The following THSD7A variants were observed in gnomAD, a reference collection of about 807,000 sequenced individuals.
THSD7A encodes thrombospondin type 1 domain containing 7A.
In THSD7A, 96 loss-of-function variants were observed where a neutral mutation model predicts 231.3. The ratio of observed to expected loss-of-function variants is 0.41; its 90% CI spans 0.35 to 0.49. THSD7A has a LOEUF of 0.49. Ranked by LOEUF, THSD7A falls within the 20% of genes least tolerant of loss-of-function variation. The pLI, the probability that THSD7A is intolerant of heterozygous loss-of-function variation, is 0.05. For missense variants in THSD7A, 2,290 were observed against 2,070.2 expected, an observed-to-expected ratio of 1.11 and a Z score of -2.06; for synonymous variants, 940 against 743.3, an observed-to-expected ratio of 1.26 and a Z score of -4.30.
At chr7:11,701,380 A>G (rs1235940895) in intron 1 of THSD7A, among the ~76,000 whole-genome samples, 1 of 151,290 alleles carries the variant, frequency 6.6e-6, no homozygotes, top group Non-Finnish European at 1.5e-5. Flanking sequence ...CTTTGTAAAT[A>G]TGATTTTCCT....
At chr7:11,376,999 G>A (rs1782302094) in intron 26 of THSD7A, 1 of 168,828 alleles carries the variant, frequency 5.9e-6, no homozygotes, top group Non-Finnish European at 1.3e-5. Context: ...GATTTTCAGT[G>A]TATTTTGAGA....
chr7:11,815,779 G>A (rs567011273), intron 1 of THSD7A, among the ~76,000 whole-genome samples: 1 of 152,204 alleles, frequency 6.6e-6, no homozygotes, highest in East Asian at 1.9e-4. Context: ...TAGATTCTAT[G>A]AATCAGAAAA....
chr7:11,514,615 A>C (rs913601758), intron 6 of THSD7A, among the ~76,000 whole-genome samples: 4 of 152,146 alleles, frequency 2.6e-5, no homozygotes, highest in African/African-American at 7.2e-5. Context: ...ATAACATTTT[A>C]AATAAGTGTT....
intron 1 of THSD7A, among the ~76,000 whole-genome samples, chr7:11,744,982 G>A (rs140303842): frequency 7.2e-5 from 11 of 151,840 alleles, no homozygotes; most frequent in Non-Finnish European, 1.5e-4. Flanking sequence ...TGGGTCAAAT[G>A]GTATTTCTAG....
At chr7:11,450,388 G>T (rs904495223) in intron 11 of THSD7A, among the ~76,000 whole-genome samples, 1 of 151,870 alleles carries the variant, frequency 6.6e-6, no homozygotes, top group Admixed American at 6.6e-5. Context: ...TCTTATCTGA[G>T]GTTTTAGACA....
chr7:11,462,963 C>T (rs550591698), intron 9 of THSD7A, among the ~76,000 whole-genome samples: 124 of 152,178 alleles, frequency 8.1e-4, no homozygotes, highest in Middle Eastern at 6.8e-3. Context: ...ATTAAGATTA[C>T]GTACACTTTA....
chr7:11,637,106 A>T lies in THSD7A; in HGVS notation c.191-145T>A. Reference sequence around the variant, plus strand: ...AGGTCTCTGGACACGACTGTTGGAAAGTAATGATCCTCGCTAAGTATTTTT... The same window carrying T: ...AGGTCTCTGGACACGACTGTTGGAATGTAATGATCCTCGCTAAGTATTTTT... On this transcript the variant is annotated intron_variant, in intron 1 of 27. Coordinates refer to ENST00000423059, the MANE Select transcript of THSD7A (RefSeq NM_015204.3). The surrounding 1 kb of genome is among the most constrained non-coding windows in gnomAD (Gnocchi z 4.2). 1.4e-6 allele frequency: 1 copy of T among 738,722 alleles called. No homozygotes were observed. Among genetic ancestry groups the T allele is most frequent in the South Asian group, 1.9e-5 (1 of 51,908 alleles). The allele number at this position is 738,722 out of a possible 1,614,324, so 45.8% of individuals were successfully genotyped here.
intron 2 of THSD7A, among the ~76,000 whole-genome samples, chr7:11,603,664 G>A (rs1464089874): frequency 6.6e-6 from 1 of 151,640 alleles, no homozygotes; most frequent in Non-Finnish European, 1.5e-5. Flanking sequence ...TTAAGAAAAT[G>A]TGGCACATAT....
intron 6 of THSD7A, among the ~76,000 whole-genome samples, chr7:11,495,566 C>G (rs10261577): frequency 6.6e-6 from 1 of 152,178 alleles, no homozygotes; most frequent in East Asian, 1.9e-4. Context: ...TGAAGATTTT[C>G]TATTGCAAAA....
rs115498178 is a variant in THSD7A at position 11,752,437 on chromosome 7, C to A, written c.190+79320G>T. Among the ~76,000 whole-genome samples the A allele has an allele frequency of 3.9e-3, 598 of 152,112 alleles. 3 individuals are homozygous for A. Among genetic ancestry groups the A allele is most frequent in the African/African-American group, 0.013 (560 of 41,538 alleles). ...CAATTAAACTGAAAGCAATATCAGT[C>A]CTTTTTGGGCAATGCAAGATCATTT... is the stretch of plus-strand genomic sequence containing the variant. On this transcript the variant is annotated intron_variant, in intron 1 of 27. Coordinates refer to ENST00000423059, the MANE Select transcript of THSD7A (RefSeq NM_015204.3).
intron 1 of THSD7A, among the ~76,000 whole-genome samples, chr7:11,751,787 T>C (rs1208261046): frequency 6.6e-6 from 1 of 151,992 alleles, no homozygotes; most frequent in Non-Finnish European, 1.5e-5. Flanking sequence ...CTTTGGTCAA[T>C]TTCTGACCCA....
At position 11,417,607 on chromosome 7, in the gene THSD7A, G is replaced by T; in HGVS notation, c.3384-4C>A. 6.3e-7 allele frequency: 1 copy of T among 1,594,502 alleles called. No homozygotes were observed. Among genetic ancestry groups the T allele is most frequent in the Non-Finnish European group, 8.5e-7 (1 of 1,174,940 alleles). On this transcript the variant is annotated splice_polypyrimidine_tract_variant and splice_region_variant and intron_variant, in intron 16 of 27. Coordinates refer to ENST00000423059, the MANE Select transcript of THSD7A (RefSeq NM_015204.3). ...ATCTGCTGTATTCTGCATGCATCTA[G>T]AAAAGAACATAAACATATTCTAGAA...
At chr7:11,724,931 T>C (rs1781496240) in intron 1 of THSD7A, among the ~76,000 whole-genome samples, 2 of 151,762 alleles carry the variant, frequency 1.3e-5, no homozygotes, top group South Asian at 2.1e-4. Context: ...TCATCTCTTC[T>C]TCTTCTTCTT....
chr7:11,588,272 A>T (rs1206385316), intron 4 of THSD7A, among the ~76,000 whole-genome samples: 1 of 152,076 alleles, frequency 6.6e-6, no homozygotes, highest in Non-Finnish European at 1.5e-5. Flanking sequence ...TATGTTTCCT[A>T]TTGGGAAATG....
At position 11,666,770 on chromosome 7, in the gene THSD7A, T is replaced by C. The variant is rs191213614; in HGVS notation, c.191-29809A>G. Among the ~76,000 whole-genome samples the C allele has an allele frequency of 3.4e-3, 517 of 151,618 alleles. 4 individuals are homozygous for C. Among genetic ancestry groups the C allele is most frequent in the African/African-American group, 0.012 (477 of 41,476 alleles). ...GTTATAAAACATATCTAAAAGCATA[T>C]AAAGACTTTTTTAAACGTGGAGGCT... is the stretch of plus-strand genomic sequence containing the variant. On this transcript the variant is annotated intron_variant, in intron 1 of 27. Coordinates refer to ENST00000423059, the MANE Select transcript of THSD7A (RefSeq NM_015204.3).
In THSD7A at chr7:11,377,646, T is replaced by C. The variant is rs543449217; in HGVS notation, c.4802-989A>G. Reference sequence around the variant, plus strand: ...TCTAAATATCCTTTCTTTCTAATCCTAAAGCTTTCATTTTTTAAATTTGAG... The same window carrying C: ...TCTAAATATCCTTTCTTTCTAATCCCAAAGCTTTCATTTTTTAAATTTGAG... On this transcript the variant is annotated intron_variant, in intron 26 of 27. Transcript: ENST00000423059. The surrounding 1 kb of genome is among the most constrained non-coding windows in gnomAD (Gnocchi z 4.5). Among the ~76,000 whole-genome samples, 2 of 152,210 alleles carry C rather than the reference T, an allele frequency of 1.3e-5. No homozygotes were observed. Among genetic ancestry groups the C allele is most frequent in the South Asian group, 4.1e-4 (2 of 4,822 alleles).
intron 6 of THSD7A, among the ~76,000 whole-genome samples, chr7:11,515,384 T>G (rs1787987522): frequency 6.6e-6 from 1 of 152,182 alleles, no homozygotes; most frequent in South Asian, 2.1e-4. Flanking sequence ...CTCTGGCTTT[T>G]GACAATGTTC....
At chr7:11,547,344 G>GGC (rs1789443438) in intron 4 of THSD7A, among the ~76,000 whole-genome samples, 1 of 152,104 alleles carries the variant, frequency 6.6e-6, no homozygotes, top group Non-Finnish European at 1.5e-5. Context: ...CCACTTAAAA[G>GGC]GCACAGAGTG....
intron 1 of THSD7A, among the ~76,000 whole-genome samples, chr7:11,673,359 C>T (rs552836739): frequency 6.6e-6 from 1 of 152,244 alleles, no homozygotes; most frequent in Admixed American, 6.5e-5. Flanking sequence ...TCATGGACTC[C>T]AGAGACTTCC....
Sources: allele counts gnomAD v4.1 joint callset (sites outside exome capture counted in the v4.1 genomes callset), GRCh38; gene constraint gnomAD v4.1.1; non-coding constraint Gnocchi (gnomAD v3.1); transcripts MANE v1.5; gene names NCBI Gene and HGNC (gene_info 2026-07-23, HGNC 2026-07-21).